AKAP19: variants seen among roughly 807,000 people sequenced by gnomAD.
AKAP19 encodes the protein small A-kinase anchoring protein.
the AKAP19 span, among the ~76,000 whole-genome samples, chr2:189,959,911 T>C: frequency 6.6e-6 from 1 of 152,254 alleles, no homozygotes; most frequent in East Asian, 1.9e-4. Context: ...TTACTTATAA[T>C]ATTAAATGGT....
the AKAP19 span, among the ~76,000 whole-genome samples, chr2:190,143,416 C>T: frequency 6.6e-6 from 1 of 152,050 alleles, no homozygotes; most frequent in African/African-American, 2.4e-5. Flanking sequence ...GTAGATCTAG[C>T]TTGGCTCTCA....
At chr2:189,959,366 C>T in the AKAP19 span, among the ~76,000 whole-genome samples, 2 of 152,144 alleles carry the variant, frequency 1.3e-5, no homozygotes, top group African/African-American at 2.4e-5. Flanking sequence ...GTGGTTACTT[C>T]CTTCATTAGA....
chr2:190,039,292 C>T, the AKAP19 span, among the ~76,000 whole-genome samples: 4 of 151,974 alleles, frequency 2.6e-5, no homozygotes, highest in African/African-American at 7.3e-5. Context: ...TTGGCCAGGT[C>T]GGTCTCAAAC....
chr2:190,006,862 C>CA, the AKAP19 span, among the ~76,000 whole-genome samples: 53 of 151,278 alleles, frequency 3.5e-4, no homozygotes, highest in Non-Finnish European at 6.5e-4. Context: ...ACTAAAAATA[C>CA]AAAAAAAATT....
chr2:190,082,539 C>G, the AKAP19 span, among the ~76,000 whole-genome samples: 1 of 152,150 alleles, frequency 6.6e-6, no homozygotes, highest in African/African-American at 2.4e-5. Context: ...TATACATGCC[C>G]ACATCGAAAA....
At chr2:189,923,442 T>C in the AKAP19 span, 27 of 1,613,932 alleles carry the variant, frequency 1.7e-5, no homozygotes, top group East Asian at 2.2e-5. Context: ...GTGGAGGCAA[T>C]CTTTTCGAAG....
chr2:190,081,483 G>T, the AKAP19 span, among the ~76,000 whole-genome samples: 1 of 151,894 alleles, frequency 6.6e-6, no homozygotes, highest in South Asian at 2.1e-4. Context: ...CTCCTAACCC[G>T]CATCTTACCT....
At chr2:189,909,169 A>C in the AKAP19 span, among the ~76,000 whole-genome samples, 11 of 151,992 alleles carry the variant, frequency 7.2e-5, no homozygotes, top group East Asian at 9.6e-4. Flanking sequence ...TGATAGTAGA[A>C]TAGTCACACT....
At chr2:190,037,026 C>T in the AKAP19 span, among the ~76,000 whole-genome samples, 1 of 152,194 alleles carries the variant, frequency 6.6e-6, no homozygotes, top group South Asian at 2.1e-4. Flanking sequence ...TCAGAGGTCT[C>T]ACTTTATTTT....
the AKAP19 span, among the ~76,000 whole-genome samples, chr2:190,003,140 G>C: frequency 6.6e-6 from 1 of 152,002 alleles, no homozygotes; most frequent in Non-Finnish European, 1.5e-5. Flanking sequence ...ATTGACTTGT[G>C]TATGTTGCTC....
At chr2:189,977,438 G>T in the AKAP19 span, among the ~76,000 whole-genome samples, 1 of 152,000 alleles carries the variant, frequency 6.6e-6, no homozygotes, top group East Asian at 1.9e-4. Context: ...TCTACTTTTG[G>T]CTCCAGGCAT....
chr2:190,046,089 G>A, the AKAP19 span, among the ~76,000 whole-genome samples: 2 of 152,186 alleles, frequency 1.3e-5, no homozygotes, highest in African/African-American at 4.8e-5. Flanking sequence ...GTCCTGTCTT[G>A]CTTTTCTTCA....
the AKAP19 span, among the ~76,000 whole-genome samples, chr2:190,049,631 T>A: frequency 6.6e-6 from 1 of 152,200 alleles, no homozygotes; most frequent in African/African-American, 2.4e-5. Flanking sequence ...ACAAATGCAA[T>A]GAGCATGGCA....
chr2:189,941,024 A>G, the AKAP19 span, among the ~76,000 whole-genome samples: 1 of 152,170 alleles, frequency 6.6e-6, no homozygotes, highest in Non-Finnish European at 1.5e-5. Context: ...AGAATATAAC[A>G]CATAAAGGAG....
chr2:189,947,814 TA>T, the AKAP19 span, among the ~76,000 whole-genome samples: 1 of 152,162 alleles, frequency 6.6e-6, no homozygotes. Context: ...TTTCCGATTC[TA>T]ACCAGAGTTT....
the AKAP19 span, among the ~76,000 whole-genome samples, chr2:190,136,026 A>C: frequency 6.6e-6 from 1 of 152,196 alleles, no homozygotes; most frequent in Admixed American, 6.5e-5. Flanking sequence ...TGAAACAAAA[A>C]TTCCTGGCAT....
chr2:190,152,264 T>C, the AKAP19 span, among the ~76,000 whole-genome samples: 4 of 152,250 alleles, frequency 2.6e-5, no homozygotes, highest in African/African-American at 4.8e-5. Flanking sequence ...TTCATTTCTT[T>C]ACATTCAAAT....
chr2:190,058,337 A>G, the AKAP19 span, among the ~76,000 whole-genome samples: 4 of 152,122 alleles, frequency 2.6e-5, no homozygotes, highest in East Asian at 5.8e-4. Context: ...CATATTATCA[A>G]TTTTGATCAT....
chr2:190,168,034 G>A, the AKAP19 span, among the ~76,000 whole-genome samples: 1 of 152,192 alleles, frequency 6.6e-6, no homozygotes, highest in Non-Finnish European at 1.5e-5. Context: ...CTCTAGCAGA[G>A]GTTCTCCATG....
Sources: gnomAD v4.1 joint callset for allele counts (sites outside exome capture counted in the v4.1 genomes callset) on GRCh38, gnomAD v4.1.1 for gene constraint, MANE v1.5 for transcripts, NCBI Gene and HGNC (gene_info 2026-07-23, HGNC 2026-07-21) for gene names.